PRKD3: variants seen among roughly 807,000 people sequenced by gnomAD.
PRKD3 encodes protein kinase D3.
Under a neutral mutation model 99.2 loss-of-function variants are expected in PRKD3, and 47 were observed. The observed-to-expected ratio is 0.47, with a 90% CI of 0.38 to 0.60. The LOEUF is 0.60. Ranked by LOEUF, PRKD3 falls within the 20% of genes least tolerant of loss-of-function variation. PRKD3 has a pLI of 0.00. For synonymous variants in PRKD3, 392 were observed against 355.4 expected (o/e 1.10, Z -1.16); for missense variants, 1,019 against 1,088.4 (o/e 0.94, Z 0.90).
chr2:37,314,843 AG>A (rs1410768245), intron 2 of PRKD3, among the ~76,000 whole-genome samples: 2 of 152,186 alleles, frequency 1.3e-5, no homozygotes, highest in Admixed American at 1.3e-4. Flanking sequence ...GGATAATGGA[AG>A]GGAAACTAAA....
chr2:37,271,260 C>T (rs188317882), intron 12 of PRKD3, among the ~76,000 whole-genome samples: 107 of 152,160 alleles, frequency 7.0e-4, no homozygotes, highest in African/African-American at 2.5e-3. Flanking sequence ...TAGCAAACTC[C>T]AGCTTGTGGG....
chr2:37,308,490 T>C (rs1671263616), intron 2 of PRKD3, among the ~76,000 whole-genome samples: 1 of 151,992 alleles, frequency 6.6e-6, no homozygotes, highest in African/African-American at 2.4e-5. Context: ...AGTGGCGCAA[T>C]CTCAGCTCAC....
chr2:37,304,739 CAAAAAA>C (rs1168058306), intron 2 of PRKD3, among the ~76,000 whole-genome samples: 1 of 84,288 alleles, frequency 1.2e-5, no homozygotes, highest in Non-Finnish European at 2.5e-5. Flanking sequence ...AACTCCATCT[CAAAAAA>C]AAAAAGAAAA....
In PRKD3 at chr2:37,250,872, A is replaced by T. The variant is rs1176217468; in HGVS notation, c.*2305T>A. On this transcript the variant is annotated 3_prime_UTR_variant, in exon 19 of 19. Coordinates refer to ENST00000234179, the MANE Select transcript of PRKD3 (RefSeq NM_005813.6). ...CTTCTTTTACAAACACGACTTAAAG[A>T]CAAAAAGTTATGCAGGTTATACAGT... 1 of 152,668 alleles carries T rather than the reference A, an allele frequency of 6.6e-6. No homozygotes were observed. Among genetic ancestry groups the T allele is most frequent in the African/African-American group, 2.4e-5 (1 of 41,472 alleles). 9.5% of individuals were successfully genotyped at this position (152,668 alleles called of 1,614,324 possible).
At chr2:37,284,804 A>C (rs1279115493) in intron 6 of PRKD3, among the ~76,000 whole-genome samples, 1 of 152,036 alleles carries the variant, frequency 6.6e-6, no homozygotes, top group African/African-American at 2.4e-5. Flanking sequence ...ATTATTTTTT[A>C]ATTACACTTT....
intron 1 of PRKD3, among the ~76,000 whole-genome samples, chr2:37,323,340 T>C (rs533385128): frequency 4.0e-5 from 6 of 151,896 alleles, no homozygotes; most frequent in South Asian, 4.2e-4. Context: ...TACTAAATTA[T>C]AGAACCGAGG....
At position 37,250,944 on chromosome 2, in the gene PRKD3, A is replaced by G. The variant is rs768897773; in HGVS notation, c.*2233T>C. 2 of 152,674 alleles carry G rather than the reference A, an allele frequency of 1.3e-5. No homozygotes were observed. Among genetic ancestry groups the G allele is most frequent in the South Asian group, 2.1e-4 (1 of 4,836 alleles). 9.5% of individuals were successfully genotyped at this position (152,674 alleles called of 1,614,324 possible). A position where few individuals can be genotyped will look rare whatever the true frequency, so the allele number is the denominator to read the frequency against. ...CCAGATTCTCTGACAGTGCCTTTAC[A>G]AAATTTTTAGAAAACTTCTTAGGCA... On this transcript the variant is annotated 3_prime_UTR_variant, in exon 19 of 19. Transcript: ENST00000234179.
intron 17 of PRKD3, among the ~76,000 whole-genome samples, chr2:37,255,264 T>C (rs978474521): frequency 3.3e-5 from 5 of 152,046 alleles, no homozygotes; most frequent in African/African-American, 1.2e-4. Context: ...TTTTCCCAGT[T>C]TGATGGAATA....
At chr2:37,254,089 C>A in intron 18 of PRKD3, 115 bp downstream of exon 18, 1 of 726,708 alleles carries the variant, frequency 1.4e-6, no homozygotes, top group Non-Finnish European at 2.4e-6. Flanking sequence ...ACAAATTAAT[C>A]ACTTAAGAGC....
chr2:37,251,997 A>T lies in PRKD3; in HGVS notation c.*1180T>A, dbSNP rs771231205. On this transcript the variant is annotated 3_prime_UTR_variant, in exon 19 of 19. Coordinates refer to ENST00000234179, the MANE Select transcript of PRKD3 (RefSeq NM_005813.6). ...GAAGATATTTAAAAATATTTTTTAA[A>T]TAGCTGGCTGCTGGAGCTGAAATGT... The T allele has an allele frequency of 6.6e-6, 1 of 152,226 alleles. No homozygotes were observed. Among genetic ancestry groups the T allele is most frequent in the Non-Finnish European group, 1.5e-5 (1 of 68,038 alleles). 9.4% of individuals were successfully genotyped at this position (152,226 alleles called of 1,614,324 possible). A position where few individuals can be genotyped will look rare whatever the true frequency, so the allele number is the denominator to read the frequency against.
In PRKD3 at chr2:37,316,640, T is replaced by G; in HGVS notation, c.-116A>C. 1 of 1,476,166 alleles carries G rather than the reference T, an allele frequency of 6.8e-7. No homozygotes were observed. Among genetic ancestry groups the G allele is most frequent in the Non-Finnish European group, 8.9e-7 (1 of 1,121,722 alleles). 91.4% of individuals were successfully genotyped at this position (1,476,166 alleles called of 1,614,324 possible). ...CGCACTTTTGGATTTAGTTGAAAAC[T>G]TCTTTATTTCCTCTGTTAAGCCACT... is the stretch of plus-strand genomic sequence containing the variant. On this transcript the variant is annotated 5_prime_UTR_variant, in exon 2 of 19. Transcript: ENST00000234179.
At chr2:37,263,449 A>T (rs1668615786) in intron 14 of PRKD3, among the ~76,000 whole-genome samples, 1 of 152,152 alleles carries the variant, frequency 6.6e-6, no homozygotes, top group Non-Finnish European at 1.5e-5. Flanking sequence ...CTACCTTACT[A>T]TGTTTAGACC....
chr2:37,265,642 C>T (rs936730638), intron 14 of PRKD3, among the ~76,000 whole-genome samples: 2 of 152,148 alleles, frequency 1.3e-5, no homozygotes, highest in African/African-American at 4.8e-5. Flanking sequence ...AGTATAAATG[C>T]TGACACCACA....
chr2:37,272,858 C>T (rs764219827), intron 11 of PRKD3, among the ~76,000 whole-genome samples: 3 of 151,844 alleles, frequency 2.0e-5, no homozygotes, highest in East Asian at 3.9e-4. Flanking sequence ...TGGTGTGCAC[C>T]GGTAGTCCTA....
In PRKD3 at chr2:37,294,231, G is replaced by A. The variant is rs181173942; in HGVS notation, c.289-960C>T. On this transcript the variant is annotated intron_variant, in intron 2 of 18. Transcript: ENST00000234179. ...CCACCTCAGCCTCCCCAGTAGCTGG[G>A]ACCACAGGTGCATGTCACCACTCCC... 1.8e-3 allele frequency among the ~76,000 whole-genome samples: 277 copies of A among 152,012 alleles called. 2 individuals are homozygous for A. Among genetic ancestry groups the A allele is most frequent in the African/African-American group, 6.4e-3 (267 of 41,494 alleles).
intron 9 of PRKD3, among the ~76,000 whole-genome samples, chr2:37,276,571 T>C (rs953819010): frequency 6.6e-6 from 1 of 152,080 alleles, no homozygotes; most frequent in Non-Finnish European, 1.5e-5. Context: ...AACCCTTGTT[T>C]AGAATGAGCT....
intron 7 of PRKD3, 40 bp downstream of exon 7, chr2:37,282,502 T>A: frequency 7.8e-7 from 1 of 1,283,300 alleles, no homozygotes; most frequent in Non-Finnish European, 1.1e-6. Flanking sequence ...AATCATGGCC[T>A]TTTCTGATCT....
chr2:37,306,291 T>C (rs72863188), intron 2 of PRKD3, among the ~76,000 whole-genome samples: 6,293 of 152,272 alleles, frequency 0.041, 367 homozygotes, highest in African/African-American at 0.13. Context: ...GCTGCTCAGA[T>C]TTGTCTGCCT....
intron 1 of PRKD3, chr2:37,324,130 T>G: frequency 1.0e-6 from 1 of 972,368 alleles, no homozygotes; most frequent in Non-Finnish European, 1.2e-6. Context: ...ATGCTGCAAC[T>G]AGCAAATCCA....
Sources: allele counts gnomAD v4.1 joint callset (sites outside exome capture counted in the v4.1 genomes callset), GRCh38; gene constraint gnomAD v4.1.1; transcripts MANE v1.5; gene names NCBI Gene and HGNC (gene_info 2026-07-23, HGNC 2026-07-21).